The following IRAG1 variants were observed in gnomAD, a reference collection of about 807,000 sequenced individuals.
The protein encoded by IRAG1 is inositol 1,4,5-triphosphate receptor associated 1.
IRAG1 carries 62 observed loss-of-function variants against 106.2 expected under a neutral mutation model. That is an observed-to-expected ratio of 0.58 (90% CI 0.48 to 0.72). The LOEUF (loss-of-function observed/expected upper bound fraction) is 0.72. IRAG1 is among the 30% of genes least tolerant of loss of function. The probability of loss-of-function intolerance (pLI) is 0.00; values close to 1 mark genes in which losing one functional copy is unlikely to be tolerated. For synonymous variants in IRAG1, 462 were observed against 443.9 expected (o/e 1.04, Z -0.51); for missense variants, 1,064 against 1,140.7 (o/e 0.93, Z 0.97).
intron 11 of IRAG1, 128 bp downstream of exon 11, chr11:10,609,600 T>G (rs1321507732): frequency 9.1e-7 from 1 of 1,102,294 alleles, no homozygotes; most frequent in Non-Finnish European, 1.3e-6. Flanking sequence ...ATTATCCCTA[T>G]CTAGACAATT....
At chr11:10,583,527 A>G (rs1851603832) in intron 18 of IRAG1, among the ~76,000 whole-genome samples, 1 of 152,158 alleles carries the variant, frequency 6.6e-6, no homozygotes, top group Admixed American at 6.5e-5. Flanking sequence ...TAATGTTGGG[A>G]GCCAAGCACA....
intron 12 of IRAG1, among the ~76,000 whole-genome samples, chr11:10,606,164 T>C (rs1017275): frequency 0.9 from 136,755 of 152,248 alleles, 61,507 homozygotes; most frequent in African/African-American, 0.91. Context: ...GCAGTTCTCA[T>C]TGTCTCACCT....
intron 19 of IRAG1, among the ~76,000 whole-genome samples, chr11:10,581,449 A>G (rs1354010298): frequency 6.6e-6 from 1 of 152,010 alleles, no homozygotes; most frequent in Admixed American, 6.6e-5. Context: ...AAGAGACTCC[A>G]TTTATAGGAG....
intron 17 of IRAG1, among the ~76,000 whole-genome samples, 156 bp from the exon 18 acceptor site, chr11:10,591,768 C>T (rs1852702604): frequency 1.3e-5 from 2 of 152,182 alleles, no homozygotes; most frequent in South Asian, 4.1e-4. Context: ...CAGGACTTGG[C>T]CCTTTCCCTC....
Position 10,628,795 on chromosome 11 carries a change from G to C in IRAG1, c.608C>G (p.Pro203Arg). ...AAGTGAGTTGCTCCGAGAGGATGTAGGAGAAGCGCTGGGGCTGAGGTTCGG... is the reference window on the plus strand; with the variant it reads ...AAGTGAGTTGCTCCGAGAGGATGTACGAGAAGCGCTGGGGCTGAGGTTCGG... ...VSPNLSPSAS[P>R]TSSRSNSLTV... Residue 203 changes from proline (P) to arginine (R), a missense_variant, in exon 6 of 21, where the codon CCT (proline) becomes CGT (arginine). Transcript: ENST00000423302. This position sits in a 1 kb window ranked among gnomAD's most constrained non-coding sequence, Gnocchi z 4.1. 6.4e-7 allele frequency: 1 copy of C among 1,571,514 alleles called. No individual in the cohort carries two copies. The highest frequency in any genetic ancestry group is 8.6e-7 in the Non-Finnish European group (1 of 1,162,386).
At chr11:10,588,198 T>C (rs529981615) in intron 18 of IRAG1, among the ~76,000 whole-genome samples, 2 of 152,366 alleles carry the variant, frequency 1.3e-5, no homozygotes, top group African/African-American at 4.8e-5. Context: ...ATTACCATTG[T>C]CATCGTTATC....
rs1382359739 is a variant in IRAG1 at position 10,629,656 on chromosome 11, G to A, written c.456C>T (p.Ile152=). Reference sequence around the variant, plus strand: ...GGTTTTTCTTCTTGTCCTCCTCTGAGATGCTGATGTCTGGCAGCTGGTCAT... The same window carrying A: ...GGTTTTTCTTCTTGTCCTCCTCTGAAATGCTGATGTCTGGCAGCTGGTCAT... The part of the protein sequence containing the change: ...LVNDQLPDIS[I]SEEDKKKNLA... The change falls in exon 5 of 21, where the codon ATC becomes ATT. Residue 152 remains isoleucine, a synonymous_variant. Coordinates refer to ENST00000423302, the MANE Select transcript of IRAG1 (RefSeq NM_130385.4). The A allele has an allele frequency of 6.2e-7, 1 of 1,613,848 alleles. No individual in the cohort carries two copies. Among genetic ancestry groups the A allele is most frequent in the Non-Finnish European group, 8.5e-7 (1 of 1,179,882 alleles).
In IRAG1 at chr11:10,628,109, T is replaced by C. The variant is rs1856397672; in HGVS notation, c.653-84A>G. ...TTCAGCCACATCTCCCTCCCCGGGCTATCCTCCCTTTGCAATCTCAGGCCT... is the reference window on the plus strand; with the variant it reads ...TTCAGCCACATCTCCCTCCCCGGGCCATCCTCCCTTTGCAATCTCAGGCCT... On this transcript the variant is annotated intron_variant, in intron 6 of 20. Transcript: ENST00000423302. The surrounding 1 kb of genome is among the most constrained non-coding windows in gnomAD (Gnocchi z 4.1). 6.9e-7 allele frequency: 1 copy of C among 1,444,852 alleles called. No homozygotes were observed. The highest frequency in any genetic ancestry group is 9.6e-7 in the Non-Finnish European group (1 of 1,039,888). The allele number at this position is 1,444,852 out of a possible 1,614,324, so 89.5% of individuals were successfully genotyped here.
chr11:10,626,083 C>T lies in IRAG1; in HGVS notation c.1251G>A (p.Glu417=). Residue 417 remains glutamate, a synonymous_variant, in exon 9 of 21, where the codon GAG becomes GAA. Transcript: ENST00000423302. ...QKVLAKLPLA[E]EEKRFAGKAG... is the part of the protein sequence containing the mutation. ...CCTTGCCTGCAAAACGCTTTTCTTC[C>T]TCTGCCAGTGGCAGCTTGGCAAGCA... The T allele has an allele frequency of 6.5e-7, 1 of 1,542,116 alleles. No homozygotes were observed. Among genetic ancestry groups the T allele is most frequent in the Non-Finnish European group, 8.7e-7 (1 of 1,144,476 alleles).
At chr11:10,680,068 G>A (rs957101610) in intron 1 of IRAG1, among the ~76,000 whole-genome samples, 2 of 151,880 alleles carry the variant, frequency 1.3e-5, no homozygotes, top group Non-Finnish European at 2.9e-5. Context: ...GAGGTCAGGG[G>A]TTTGAGACTG....
chr11:10,630,415 A>G (rs930204497), intron 4 of IRAG1, among the ~76,000 whole-genome samples: 2 of 148,766 alleles, frequency 1.3e-5, no homozygotes, highest in African/African-American at 5.0e-5. Context: ...TCTGTGGCCC[A>G]GGCTGGAGTG....
rs1053960891 is a variant in IRAG1 at position 10,687,882 on chromosome 11, G to A, written c.67+5654C>T. ...ATTTAGCTTTGCTTTTTTTTGGGGG[G>A]GGGTGGTATTTAACTTTGTAAAATG... On this transcript the variant is annotated intron_variant, in intron 1 of 20. Transcript: ENST00000423302. 5.7e-6 allele frequency: 6 copies of A among 1,051,902 alleles called. No individual in the cohort carries two copies. The Admixed American group carries it at 1.7e-4, about 30-fold the overall frequency. 65.2% of individuals were successfully genotyped at this position (1,051,902 alleles called of 1,614,324 possible). A position where few individuals can be genotyped will look rare whatever the true frequency, so the allele number is the denominator to read the frequency against.
rs376056697 is a variant in IRAG1 at position 10,601,063 on chromosome 11, C to T, written c.1876-4G>A. On this transcript the variant is annotated splice_polypyrimidine_tract_variant and splice_region_variant and intron_variant, in intron 14 of 20. Transcript: ENST00000423302. ...TTGCTTTCGACATGCGCTTTTCCTGCGGGGAAGGAGCGCATGAGTGCATGA... is the reference window on the plus strand; with the variant it reads ...TTGCTTTCGACATGCGCTTTTCCTGTGGGGAAGGAGCGCATGAGTGCATGA... 7.1e-5 allele frequency: 115 copies of T among 1,613,536 alleles called. No homozygotes were observed. The highest frequency in any genetic ancestry group is 8.6e-5 in the Non-Finnish European group (101 of 1,179,866).
intron 2 of IRAG1, 43 bp from the exon 3 acceptor site, chr11:10,634,114 T>C (rs1246997679): frequency 7.7e-7 from 1 of 1,305,240 alleles, no homozygotes; most frequent in South Asian, 1.3e-5. Flanking sequence ...CTTGGGCTGG[T>C]GGGACTTCCA....
intron 10 of IRAG1, among the ~76,000 whole-genome samples, chr11:10,613,784 T>C (rs1476748948): frequency 6.6e-6 from 1 of 152,210 alleles, no homozygotes; most frequent in Non-Finnish European, 1.5e-5. Context: ...GGTACCATTG[T>C]AGTGACTACA....
chr11:10,620,017 T>C (rs1855712923), intron 10 of IRAG1, among the ~76,000 whole-genome samples: 3 of 152,234 alleles, frequency 2.0e-5, no homozygotes, highest in Admixed American at 6.5e-5. Context: ...GATGTCTAAA[T>C]TGGTATAATT....
intron 2 of IRAG1, among the ~76,000 whole-genome samples, chr11:10,645,328 A>T (rs1359969539): frequency 6.6e-6 from 1 of 152,174 alleles, no homozygotes; most frequent in Non-Finnish European, 1.5e-5. Flanking sequence ...TCAGCTTACA[A>T]CCATGAGACA....
chr11:10,651,986 C>A, intron 2 of IRAG1, 39 bp downstream of exon 2: 1 of 1,522,668 alleles, frequency 6.6e-7, no homozygotes, highest in East Asian at 2.4e-5. Context: ...TGGCTTGGCC[C>A]CCAGCCAGGC....
chr11:10,666,894 G>A (rs1256281041), intron 1 of IRAG1, among the ~76,000 whole-genome samples: 3 of 152,150 alleles, frequency 2.0e-5, no homozygotes, highest in Non-Finnish European at 4.4e-5. Flanking sequence ...GGTTTTGGCA[G>A]GGTTTTCTTG....
Sources: gnomAD v4.1 joint callset for allele counts (sites outside exome capture counted in the v4.1 genomes callset) on GRCh38, gnomAD v4.1.1 for gene constraint, Gnocchi (gnomAD v3.1) non-coding constraint, MANE v1.5 for transcripts, NCBI Gene and HGNC (gene_info 2026-07-23, HGNC 2026-07-21) for gene names.